TBCD: variants seen among roughly 807,000 people sequenced by gnomAD.
TBCD encodes tubulin folding cofactor D.
TBCD carries 105 observed loss-of-function variants against 169.3 expected under a neutral mutation model. The ratio of observed to expected loss-of-function variants is 0.62; its 90% CI spans 0.53 to 0.73. The LOEUF is 0.73. TBCD is among the 30% of genes least tolerant of loss of function. The pLI, the probability that TBCD is intolerant of heterozygous loss-of-function variation, is 0.00. For missense variants in TBCD, 1,444 were observed against 1,600.1 expected (o/e 0.90, Z 1.66); for synonymous variants, 700 against 643.9 (o/e 1.09, Z -1.32).
At chr17:82,816,330 G>C (rs945020877) in intron 13 of TBCD, among the ~76,000 whole-genome samples, 3 of 152,170 alleles carry the variant, frequency 2.0e-5, no homozygotes, top group Non-Finnish European at 2.9e-5. Context: ...ACCTTTCACT[G>C]TTAGGTTAAT....
rs370856769 is a variant in TBCD at position 82,889,703 on chromosome 17, G to T, written c.1563+6G>T. On this transcript the variant is annotated splice_donor_region_variant and intron_variant, in intron 16 of 38. Coordinates refer to ENST00000355528, the MANE Select transcript of TBCD (RefSeq NM_005993.5). This position sits in a 1 kb window ranked among gnomAD's most constrained non-coding sequence, Gnocchi z 5.3. Reference sequence around the variant, plus strand: ...AGGAGAATGTGGGGAGACAGGTATGGCTGCTTTCAAACACCTTTATTCCAA... The same window carrying T: ...AGGAGAATGTGGGGAGACAGGTATGTCTGCTTTCAAACACCTTTATTCCAA... 13 of 1,613,268 alleles carry T rather than the reference G, an allele frequency of 8.1e-6. No individual in the cohort carries two copies. The highest frequency in any genetic ancestry group is 1.0e-5 in the Non-Finnish European group (12 of 1,179,758).
At chr17:82,921,687 C>A in intron 25 of TBCD, 110 bp downstream of exon 25, 1 of 952,118 alleles carries the variant, frequency 1.1e-6, no homozygotes, top group South Asian at 1.4e-5. Flanking sequence ...CCTGCAGTAG[C>A]CTGATAACTG....
chr17:82,803,078 T>A (rs1240618291), intron 9 of TBCD, among the ~76,000 whole-genome samples: 1 of 152,220 alleles, frequency 6.6e-6, no homozygotes, highest in Non-Finnish European at 1.5e-5. Flanking sequence ...ATTTTCGTTG[T>A]CTCTGTTAGT....
intron 13 of TBCD, among the ~76,000 whole-genome samples, chr17:82,849,928 T>TTGCTGTTGGCTGTGC (rs2055518025): frequency 8.4e-6 from 1 of 118,624 alleles, no homozygotes; most frequent in African/African-American, 3.4e-5. Context: ...GTTGGCTGTT[T>TTGCTGTTGGCTGTGC]TGCTGTTGGC....
At chr17:82,767,358 G>A (rs546623112) in intron 4 of TBCD, among the ~76,000 whole-genome samples, 1 of 152,266 alleles carries the variant, frequency 6.6e-6, no homozygotes, top group Non-Finnish European at 1.5e-5. Context: ...TGGAATGATT[G>A]CAGGGACAAA....
intron 10 of TBCD, among the ~76,000 whole-genome samples, chr17:82,807,249 G>T (rs2051036706): frequency 6.6e-6 from 1 of 152,208 alleles, no homozygotes; most frequent in Non-Finnish European, 1.5e-5. Context: ...CGCTGGCTGG[G>T]GGTTTTCTCT....
At chr17:82,866,174 G>A (rs988558148) in intron 13 of TBCD, among the ~76,000 whole-genome samples, 5 of 152,020 alleles carry the variant, frequency 3.3e-5, no homozygotes, top group African/African-American at 7.3e-5. Flanking sequence ...CTTTGTGGTC[G>A]CCCAGGTGCC....
At position 82,915,234 on chromosome 17, in the gene TBCD, G is replaced by A. The variant is rs1336214875; in HGVS notation, c.2038+3445G>A. 6.6e-6 allele frequency among the ~76,000 whole-genome samples: 1 copy of A among 152,184 alleles called. No homozygotes were observed. Among genetic ancestry groups the A allele is most frequent in the Non-Finnish European group, 1.5e-5 (1 of 68,022 alleles). ...TGTCGGTGACATGCCGCCCGCAGGAGCATCAGGTGCGCCCTGGCCGCAGGT... is the reference window on the plus strand; with the variant it reads ...TGTCGGTGACATGCCGCCCGCAGGAACATCAGGTGCGCCCTGGCCGCAGGT... On this transcript the variant is annotated intron_variant, in intron 23 of 38. Transcript: ENST00000355528. This position sits in a 1 kb window ranked among gnomAD's most constrained non-coding sequence, Gnocchi z 4.3.
intron 35 of TBCD, 70 bp downstream of exon 35, chr17:82,937,430 T>A: frequency 7.3e-7 from 1 of 1,364,314 alleles, no homozygotes; most frequent in Non-Finnish European, 1.0e-6. Flanking sequence ...AGGGCAGGAG[T>A]CCACGGCTCC....
intron 13 of TBCD, among the ~76,000 whole-genome samples, chr17:82,828,969 C>T (rs894763235): frequency 4.8e-5 from 7 of 146,990 alleles, no homozygotes; most frequent in Non-Finnish European, 1.1e-4. Flanking sequence ...ACGTGCATAC[C>T]CACACAATCC....
rs1250289286 is a variant in TBCD at position 82,923,958 on chromosome 17, G to C, written c.2260+225G>C. Among the ~76,000 whole-genome samples the C allele has an allele frequency of 6.6e-6, 1 of 152,104 alleles. No homozygotes were observed. Among genetic ancestry groups the C allele is most frequent in the Non-Finnish European group, 1.5e-5 (1 of 68,016 alleles). ...AGCTCTGAACAGGTGGCTCAGCAGG[G>C]ACGCGTCTCTGTTGACGGCACCCTC... On this transcript the variant is annotated intron_variant, in intron 26 of 38. Coordinates refer to ENST00000355528, the MANE Select transcript of TBCD (RefSeq NM_005993.5). The surrounding 1 kb of genome is among the most constrained non-coding windows in gnomAD (Gnocchi z 4.6).
intron 13 of TBCD, among the ~76,000 whole-genome samples, chr17:82,852,301 C>A (rs1230361543): frequency 6.6e-6 from 1 of 152,116 alleles, no homozygotes; most frequent in Non-Finnish European, 1.5e-5. Flanking sequence ...GGCGATGCAG[C>A]CCCCAGCAGT....
chr17:82,871,736 C>T (rs886379611), intron 14 of TBCD, among the ~76,000 whole-genome samples: 1 of 152,250 alleles, frequency 6.6e-6, no homozygotes, highest in African/African-American at 2.4e-5. Flanking sequence ...CCCGCACGCC[C>T]CGCGAGCACC....
intron 13 of TBCD, among the ~76,000 whole-genome samples, chr17:82,865,706 T>C (rs557661867): frequency 6.6e-6 from 1 of 152,380 alleles, no homozygotes; most frequent in East Asian, 1.9e-4. Context: ...TCATTAGTTA[T>C]CAGAAGGCGT....
At chr17:82,837,153 G>A (rs138722815) in intron 13 of TBCD, among the ~76,000 whole-genome samples, 76 of 152,322 alleles carry the variant, frequency 5.0e-4, no homozygotes, top group African/African-American at 1.7e-3. Context: ...GGATAACATT[G>A]TTGCTTTGGT....
intron 13 of TBCD, among the ~76,000 whole-genome samples, chr17:82,823,919 A>C (rs917576834): frequency 6.6e-6 from 1 of 151,762 alleles, no homozygotes; most frequent in African/African-American, 2.4e-5. Flanking sequence ...TTAAGAAGTC[A>C]CTCGCCCCTG....
Position 82,786,989 on chromosome 17 carries a change from G to T in TBCD, c.771+5268G>T, listed in dbSNP as rs1409604726. Among the ~76,000 whole-genome samples, 3 of 152,118 alleles carry T rather than the reference G, an allele frequency of 2.0e-5. 1 individual carries two copies. Among genetic ancestry groups the T allele is most frequent in the Admixed American group, 2.0e-4 (3 of 15,258 alleles). ...CTGCCCCATTCCCCTCCTAGCTGCT[G>T]GGACAGGTGGGAATTCCTGTAGCAA... On this transcript the variant is annotated intron_variant, in intron 7 of 38. Coordinates refer to ENST00000355528, the MANE Select transcript of TBCD (RefSeq NM_005993.5).
Position 82,939,477 on chromosome 17 carries a change from G to A in TBCD, c.3479+1G>A. The A allele has an allele frequency of 6.2e-7, 1 of 1,611,760 alleles. No homozygotes were observed. Among genetic ancestry groups the A allele is most frequent in the African/African-American group, 1.3e-5 (1 of 75,020 alleles). ...TGACTGTGCTCAGTGACACTGCGTG[G>A]TGAGTGAAGGCCCTTCCTGCACGGC... On this transcript the variant is annotated splice_donor_variant, in intron 37 of 38. Transcript: ENST00000355528. LOFTEE classifies it high-confidence loss of function.
At chr17:82,886,693 C>G (rs1253875310) in intron 15 of TBCD, among the ~76,000 whole-genome samples, 2 of 64,394 alleles carry the variant, frequency 3.1e-5, no homozygotes, top group Non-Finnish European at 6.0e-5. Flanking sequence ...CCCCTCCCCT[C>G]CCCTCCCACT....
Sources: gnomAD v4.1 joint callset for allele counts (sites outside exome capture counted in the v4.1 genomes callset) on GRCh38, gnomAD v4.1.1 for gene constraint, Gnocchi (gnomAD v3.1) non-coding constraint, MANE v1.5 for transcripts, NCBI Gene and HGNC (gene_info 2026-07-23, HGNC 2026-07-21) for gene names.